Variants in LUZP2 observed in about 807,000 individuals in gnomAD.
LUZP2 encodes the protein leucine zipper protein 2.
A neutral mutation model predicts 51.6 loss-of-function variants in LUZP2; 52 were observed. The ratio of observed to expected loss-of-function variants is 1.01; its 90% CI spans 0.81 to 1.27. The LOEUF (loss-of-function observed/expected upper bound fraction) is 1.27. LUZP2 is among the 50% of genes most tolerant of loss of function. LUZP2 has a pLI of 0.00. For missense variants in LUZP2, 436 were observed against 395.4 expected (o/e 1.10, Z -0.87); for synonymous variants, 154 against 137.3 (o/e 1.12, Z -0.85).
At position 24,738,252 on chromosome 11, in the gene LUZP2, CA is replaced by C. The variant is rs1316936783; in HGVS notation, c.287del (p.Asn96IlefsTer20). On this transcript the variant is annotated frameshift_variant, in exon 4 of 12. Coordinates refer to ENST00000336930, the MANE Select transcript of LUZP2 (RefSeq NM_001009909.4). LOFTEE classifies it high-confidence loss of function. Reference sequence around the variant, plus strand: ...AATGAAGTCTCTTCAGGAGGCCCTGCAAAATCAGCTTAAGGAGACATCAGAG... The same window carrying C: ...AATGAAGTCTCTTCAGGAGGCCCTGCAAATCAGCTTAAGGAGACATCAGAG... ...EEMKSLQEAL[Q>X]NQLKETSEKA... The C allele has an allele frequency of 6.2e-7, 1 of 1,612,390 alleles. No individual in the cohort carries two copies. The highest frequency in any genetic ancestry group is 8.5e-7 in the Non-Finnish European group (1 of 1,178,924).
intron 4 of LUZP2, among the ~76,000 whole-genome samples, chr11:24,754,495 T>A (rs190881400): frequency 3.7e-3 from 565 of 152,276 alleles, no homozygotes; most frequent in Middle Eastern, 0.01. Context: ...CTGTTTTGTA[T>A]CAACAGGGTT....
chr11:24,886,594 T>C (rs1192634954), intron 5 of LUZP2, among the ~76,000 whole-genome samples: 1 of 152,196 alleles, frequency 6.6e-6, no homozygotes, highest in Non-Finnish European at 1.5e-5. Context: ...TGTAAGAAGA[T>C]ATCAATTTTA....
chr11:24,497,531 G>A (rs985668946), intron 1 of LUZP2, among the ~76,000 whole-genome samples: 7 of 152,132 alleles, frequency 4.6e-5, no homozygotes, highest in Non-Finnish European at 1.0e-4. Context: ...TCTCAGTGAG[G>A]GATCAAAAGC....
Position 24,732,109 on chromosome 11 carries a change from T to C in LUZP2, c.181-9T>C. Reference sequence around the variant, plus strand: ...GAATAAAACTTCATTTTTCCACTTTTCTTATCAGTCCTTAAAAAACGATGA... The same window carrying C: ...GAATAAAACTTCATTTTTCCACTTTCCTTATCAGTCCTTAAAAAACGATGA... On this transcript the variant is annotated splice_polypyrimidine_tract_variant and intron_variant, in intron 2 of 11. Transcript: ENST00000336930. The C allele has an allele frequency of 6.2e-7, 1 of 1,601,614 alleles. No individual in the cohort carries two copies. The highest frequency in any genetic ancestry group is 8.5e-7 in the Non-Finnish European group (1 of 1,172,542).
chr11:25,038,747 CACTG>C (rs1367969185), intron 9 of LUZP2, among the ~76,000 whole-genome samples: 3 of 152,154 alleles, frequency 2.0e-5, no homozygotes, highest in Admixed American at 1.3e-4. Flanking sequence ...AGAGTTCTTG[CACTG>C]ACTATTTCTC....
intron 1 of LUZP2, among the ~76,000 whole-genome samples, chr11:24,571,800 T>A (rs1022170810): frequency 2.6e-5 from 4 of 152,094 alleles, no homozygotes; most frequent in African/African-American, 9.7e-5. Flanking sequence ...TGCTGATTTT[T>A]ACCAGGTTTA....
intron 3 of LUZP2, among the ~76,000 whole-genome samples, chr11:24,735,112 G>A (rs919801039): frequency 3.8e-4 from 57 of 151,930 alleles, no homozygotes; most frequent in Admixed American, 3.1e-3. Flanking sequence ...AAATTCAGGG[G>A]CTATGCTGTG....
intron 1 of LUZP2, among the ~76,000 whole-genome samples, chr11:24,572,778 G>A (rs376633213): frequency 3.6e-4 from 54 of 151,992 alleles, no homozygotes; most frequent in African/African-American, 1.2e-3. Context: ...TTGCTCATCC[G>A]CACAATAATT....
At chr11:24,722,075 T>C (rs1240032959) in intron 1 of LUZP2, among the ~76,000 whole-genome samples, 1 of 152,160 alleles carries the variant, frequency 6.6e-6, no homozygotes, top group Non-Finnish European at 1.5e-5. Flanking sequence ...AAAATACAAT[T>C]CCAGGTTGTT....
At chr11:25,065,241 G>A (rs982454528) in intron 10 of LUZP2, among the ~76,000 whole-genome samples, 1 of 151,980 alleles carries the variant, frequency 6.6e-6, no homozygotes, top group Admixed American at 6.6e-5. Context: ...AAAGCACCTG[G>A]CACACAGTCA....
intron 5 of LUZP2, among the ~76,000 whole-genome samples, chr11:24,851,030 T>C (rs1170489528): frequency 6.6e-6 from 1 of 152,186 alleles, no homozygotes; most frequent in Non-Finnish European, 1.5e-5. Flanking sequence ...AATGGGGTTG[T>C]CTAAATATAC....
intron 9 of LUZP2, among the ~76,000 whole-genome samples, chr11:25,015,227 CT>C (rs1857115275): frequency 6.6e-6 from 1 of 152,186 alleles, no homozygotes; most frequent in East Asian, 1.9e-4. Context: ...TAAAAATAAA[CT>C]TTTAGTTTGG....
At chr11:24,915,638 A>G (rs1853766637) in intron 7 of LUZP2, among the ~76,000 whole-genome samples, 1 of 148,010 alleles carries the variant, frequency 6.8e-6, no homozygotes, top group South Asian at 2.2e-4. Flanking sequence ...GAATAAACAT[A>G]TGTTGATGAT....
At position 24,767,119 on chromosome 11, in the gene LUZP2, ACC is replaced by A. The variant is rs368121950; in HGVS notation, c.396+3812_396+3813del. Among the ~76,000 whole-genome samples, 62 of 152,230 alleles carry A rather than the reference ACC, an allele frequency of 4.1e-4. No individual in the cohort carries two copies. In the East Asian group the frequency reaches 9.8e-3, roughly 24 times the overall value. ...TTTTTTATGTTCTGGTAACAATGTT[ACC>A]TAGTAAGTGGTCTTCCCCAATCCCA... On this transcript the variant is annotated intron_variant, in intron 5 of 11. Coordinates refer to ENST00000336930, the MANE Select transcript of LUZP2 (RefSeq NM_001009909.4).
chr11:24,706,100 C>T (rs190418752), intron 1 of LUZP2, among the ~76,000 whole-genome samples: 284 of 152,214 alleles, frequency 1.9e-3, no homozygotes, highest in African/African-American at 6.6e-3. Flanking sequence ...ACTTCTTTCC[C>T]ATATCAAGGA....
intron 1 of LUZP2, among the ~76,000 whole-genome samples, chr11:24,600,007 C>T (rs972677985): frequency 6.6e-6 from 1 of 152,010 alleles, no homozygotes; most frequent in African/African-American, 2.4e-5. Flanking sequence ...ATAAAATATT[C>T]TCCATAAAAG....
At chr11:24,649,530 G>T (rs1011457021) in intron 1 of LUZP2, among the ~76,000 whole-genome samples, 1 of 151,926 alleles carries the variant, frequency 6.6e-6, no homozygotes, top group Non-Finnish European at 1.5e-5. Flanking sequence ...TAACAAAGTT[G>T]TCAGTGAAGC....
chr11:24,528,280 A>G (rs1053502498), intron 1 of LUZP2, among the ~76,000 whole-genome samples: 1 of 151,264 alleles, frequency 6.6e-6, no homozygotes, highest in African/African-American at 2.4e-5. Flanking sequence ...TAAAAAAAAA[A>G]GTTAAGTTTC....
intron 9 of LUZP2, among the ~76,000 whole-genome samples, chr11:25,049,232 G>C (rs753579509): frequency 1.2e-4 from 19 of 152,098 alleles, no homozygotes; most frequent in Non-Finnish European, 2.8e-4. Flanking sequence ...CAAAGTCTCA[G>C]ACTCAGGCAA....
Sources: allele counts gnomAD v4.1 joint callset (sites outside exome capture counted in the v4.1 genomes callset), GRCh38; gene constraint gnomAD v4.1.1; transcripts MANE v1.5; gene names NCBI Gene and HGNC (gene_info 2026-07-23, HGNC 2026-07-21).